Variants in TENM3 observed in about 807,000 individuals in gnomAD.
TENM3 encodes the protein teneurin-3.
In TENM3, 63 loss-of-function variants were observed where a neutral mutation model predicts 255.1. That is an observed-to-expected ratio of 0.25 (90% confidence interval 0.20 to 0.30). TENM3 has a LOEUF of 0.30. Among genes scored for constraint, TENM3 ranks in the 10% least tolerant of loss-of-function variants. The pLI is 1.00. For synonymous variants in TENM3, 1,306 were observed against 1,322.3 expected (o/e 0.99, Z 0.27); for missense variants, 2,929 against 3,461.1 (o/e 0.85, Z 3.86).
At chr4:182,481,334 C>A (rs1734179612) in intron 3 of TENM3, among the ~76,000 whole-genome samples, 1 of 152,142 alleles carries the variant, frequency 6.6e-6, no homozygotes, top group African/African-American at 2.4e-5. Flanking sequence ...CTCATTTTCT[C>A]TTTTACTTTA....
At chr4:181,998,321 A>G in the TENM3 span, among the ~76,000 whole-genome samples, 1 of 152,220 alleles carries the variant, frequency 6.6e-6, no homozygotes, top group Non-Finnish European at 1.5e-5. Flanking sequence ...TTTAGTGAAC[A>G]TCACCTACAG....
the TENM3 span, among the ~76,000 whole-genome samples, chr4:182,010,418 A>AT: frequency 2.0e-5 from 3 of 151,732 alleles, no homozygotes; most frequent in Non-Finnish European, 4.4e-5. Flanking sequence ...TTTGAATAAT[A>AT]TTTTTTATTT....
At chr4:182,656,713 A>G (rs1418089364) in intron 6 of TENM3, among the ~76,000 whole-genome samples, 2 of 152,236 alleles carry the variant, frequency 1.3e-5, no homozygotes, top group Non-Finnish European at 2.9e-5. Context: ...TCTAAATGTA[A>G]TACTCTTACT....
the TENM3 span, among the ~76,000 whole-genome samples, chr4:181,782,529 G>A: frequency 1.3e-5 from 2 of 151,740 alleles, no homozygotes; most frequent in Admixed American, 6.6e-5. Context: ...TATCAGTCTT[G>A]CTAGCAGTCT....
chr4:181,508,001 GA>G, the TENM3 span, among the ~76,000 whole-genome samples: 1 of 152,202 alleles, frequency 6.6e-6, no homozygotes, highest in Non-Finnish European at 1.5e-5. Context: ...CTGGTGAGAT[GA>G]AAGTCTAATT....
the TENM3 span, among the ~76,000 whole-genome samples, chr4:181,809,626 G>A: frequency 6.6e-5 from 10 of 152,238 alleles, no homozygotes; most frequent in African/African-American, 2.2e-4. Flanking sequence ...GTGGAAGGCC[G>A]AATGATGACC....
the TENM3 span, among the ~76,000 whole-genome samples, chr4:181,461,892 T>A: frequency 2.0e-5 from 3 of 152,090 alleles, no homozygotes; most frequent in Non-Finnish European, 2.9e-5. Context: ...TGAGTCATAT[T>A]TTCCTGCTTC....
the TENM3 span, among the ~76,000 whole-genome samples, chr4:181,976,722 A>C: frequency 2.0e-5 from 3 of 152,186 alleles, no homozygotes; most frequent in Non-Finnish European, 4.4e-5. Flanking sequence ...TGTTCAGGAG[A>C]CAGATCAGAT....
chr4:182,794,483 C>T (rs1766345345), intron 26 of TENM3, among the ~76,000 whole-genome samples: 2 of 152,176 alleles, frequency 1.3e-5, no homozygotes, highest in Admixed American at 6.5e-5. Context: ...GCCTCACCAC[C>T]ATTGCCTCAG....
At chr4:182,371,769 T>A (rs1766833023) in intron 3 of TENM3, among the ~76,000 whole-genome samples, 1 of 152,172 alleles carries the variant, frequency 6.6e-6, no homozygotes, top group South Asian at 2.1e-4. Flanking sequence ...CATTTTAAAT[T>A]TCCTCATAAC....
the TENM3 span, among the ~76,000 whole-genome samples, chr4:181,907,129 G>C: frequency 6.6e-6 from 1 of 152,080 alleles, no homozygotes. Context: ...CAGGTTATTC[G>C]CCTGTCTCTG....
the TENM3 span, among the ~76,000 whole-genome samples, chr4:181,767,024 G>A: frequency 5.5e-3 from 816 of 147,650 alleles, 13 homozygotes; most frequent in African/African-American, 0.02. Context: ...AGGCCGAGGC[G>A]GGCGGATCAC....
chr4:182,253,307 A>T (rs1579907115), intron 1 of TENM3, among the ~76,000 whole-genome samples: 1 of 152,138 alleles, frequency 6.6e-6, no homozygotes, highest in Admixed American at 6.5e-5. Flanking sequence ...CCATATCTCT[A>T]CTAAAAATAC....
At chr4:181,582,167 T>A in the TENM3 span, among the ~76,000 whole-genome samples, 1 of 152,228 alleles carries the variant, frequency 6.6e-6, no homozygotes, top group Non-Finnish European at 1.5e-5. Flanking sequence ...CACCAGCTCA[T>A]GATGGCAGGT....
chr4:181,974,244 A>G, the TENM3 span, among the ~76,000 whole-genome samples: 1 of 152,200 alleles, frequency 6.6e-6, no homozygotes, highest in Non-Finnish European at 1.5e-5. Context: ...CCGTAAGGCA[A>G]GAGTGCCTGG....
chr4:181,808,097 C>G, the TENM3 span, among the ~76,000 whole-genome samples: 3 of 152,156 alleles, frequency 2.0e-5, no homozygotes, highest in Non-Finnish European at 4.4e-5. Context: ...AGTGCCTAAC[C>G]ACAGATAAAA....
At chr4:181,922,502 ATT>A in the TENM3 span, among the ~76,000 whole-genome samples, 1 of 151,774 alleles carries the variant, frequency 6.6e-6, no homozygotes. Context: ...TTTCTTCTAG[ATT>A]TTCTAGTTTA....
chr4:181,779,106 T>C, the TENM3 span, among the ~76,000 whole-genome samples: 1 of 151,922 alleles, frequency 6.6e-6, no homozygotes, highest in African/African-American at 2.4e-5. Context: ...ATGTACCTGG[T>C]GATGGGCCAT....
intron 1 of TENM3, among the ~76,000 whole-genome samples, chr4:182,305,208 G>A (rs1307208130): frequency 6.8e-6 from 1 of 147,954 alleles, no homozygotes; most frequent in Non-Finnish European, 1.5e-5. Context: ...GCAGTAAACA[G>A]ATCTAAAAAA....
Sources: gnomAD v4.1 joint callset for allele counts (sites outside exome capture counted in the v4.1 genomes callset) on GRCh38, gnomAD v4.1.1 for gene constraint, MANE v1.5 for transcripts, NCBI Gene and HGNC (gene_info 2026-07-23, HGNC 2026-07-21) for gene names.